HIBCH: variants seen among roughly 807,000 people sequenced by gnomAD.
HIBCH encodes the protein 3-hydroxyisobutyryl-CoA hydrolase.
In HIBCH, 50 loss-of-function variants were observed where a neutral mutation model predicts 58.2. That is an observed-to-expected ratio of 0.86 (90% CI 0.68 to 1.09). The LOEUF (loss-of-function observed/expected upper bound fraction) is 1.09. HIBCH is among the 50% of genes least tolerant of loss of function. The probability of loss-of-function intolerance (pLI) is 0.00; values close to 1 mark genes in which losing one functional copy is unlikely to be tolerated. For synonymous variants in HIBCH, 151 were observed against 146.9 expected (o/e 1.03, Z -0.20); for missense variants, 450 against 449.7 (o/e 1.00, Z -0.01).
intron 1 of HIBCH, among the ~76,000 whole-genome samples, chr2:190,314,280 T>A (rs74485901): frequency 0.049 from 2,499 of 51,004 alleles, 63 homozygotes; most frequent in Middle Eastern, 0.16. Flanking sequence ...ACAAAAAAAA[T>A]ATATATATAT....
Position 190,243,562 on chromosome 2 carries a change from A to ATTT in HIBCH, c.891+1324_891+1325insAAA, listed in dbSNP as rs1686513473. Among the ~76,000 whole-genome samples, 1 of 152,198 alleles carries ATTT rather than the reference A, an allele frequency of 6.6e-6. No homozygotes were observed. Among genetic ancestry groups the ATTT allele is most frequent in the African/African-American group, 2.4e-5 (1 of 41,454 alleles). Reference sequence around the variant, plus strand: ...ACAATCTACTTTTGTGAGTTAGGCAAATAAATGGCTGGTCTACCTGCTCTA... The same window carrying ATTT: ...ACAATCTACTTTTGTGAGTTAGGCAATTTATAAATGGCTGGTCTACCTGCTCTA... On this transcript the variant is annotated intron_variant, in intron 11 of 13. Coordinates refer to ENST00000359678, the MANE Select transcript of HIBCH (RefSeq NM_014362.4). This position sits in a 1 kb window ranked among gnomAD's most constrained non-coding sequence, Gnocchi z 4.1.
Position 190,197,096 on chromosome 2 carries a change from C to A in HIBCH, c.*18-7099G>T, listed in dbSNP as rs1033263025. On this transcript the variant is annotated intron_variant, in intron 1 of 1. Coordinates refer to the HIBCH transcript ENST00000399855. The surrounding 1 kb of genome is among the most constrained non-coding windows in gnomAD (Gnocchi z 4.0). Reference sequence around the variant, plus strand: ...CTCTCTGGGGTCTCTTTTATGAGAGCACTAAAACTCTAATATCATCACCCA... The same window carrying A: ...CTCTCTGGGGTCTCTTTTATGAGAGAACTAAAACTCTAATATCATCACCCA... 6.6e-6 allele frequency among the ~76,000 whole-genome samples: 1 copy of A among 152,050 alleles called. No individual in the cohort carries two copies. Among genetic ancestry groups the A allele is most frequent in the African/African-American group, 2.4e-5 (1 of 41,372 alleles).
intron 9 of HIBCH, among the ~76,000 whole-genome samples, chr2:190,247,037 T>G (rs915549094): frequency 6.6e-6 from 1 of 152,120 alleles, no homozygotes; most frequent in African/African-American, 2.4e-5. Flanking sequence ...CATTGTAGGC[T>G]GTGTTTCTCC....
At chr2:190,228,015 T>A (rs1685965007) in intron 11 of HIBCH, among the ~76,000 whole-genome samples, 2 of 152,266 alleles carry the variant, frequency 1.3e-5, no homozygotes, top group South Asian at 2.1e-4. Context: ...GATCTAGAAC[T>A]AGAAATACCA....
At chr2:190,226,264 T>C (rs902122222) in intron 11 of HIBCH, among the ~76,000 whole-genome samples, 1 of 147,916 alleles carries the variant, frequency 6.8e-6, no homozygotes, top group Non-Finnish European at 1.5e-5. Context: ...GCCAGAGCAA[T>C]CAGGCAGGAG....
intron 7 of HIBCH, among the ~76,000 whole-genome samples, chr2:190,258,704 T>C (rs1438515295): frequency 1.3e-5 from 2 of 152,240 alleles, no homozygotes; most frequent in African/African-American, 2.4e-5. Flanking sequence ...CAGATTAATG[T>C]CACGTCATTT....
Position 190,197,905 on chromosome 2 carries a change from T to C in HIBCH, c.*17+7195A>G, listed in dbSNP as rs977189063. Among the ~76,000 whole-genome samples the C allele has an allele frequency of 5.9e-5, 9 of 152,224 alleles. No individual in the cohort carries two copies. The highest frequency in any genetic ancestry group is 1.9e-4 in the East Asian group (1 of 5,202). ...CAGCCTTTTATTTATCTGACACTCATTGAGTTCTCCAAGTAATTTTTTTCA... is the reference window on the plus strand; with the variant it reads ...CAGCCTTTTATTTATCTGACACTCACTGAGTTCTCCAAGTAATTTTTTTCA... On this transcript the variant is annotated intron_variant, in intron 1 of 1. Coordinates refer to the HIBCH transcript ENST00000399855. This position sits in a 1 kb window ranked among gnomAD's most constrained non-coding sequence, Gnocchi z 4.0.
At chr2:190,256,733 T>C (rs1472719499) in intron 7 of HIBCH, among the ~76,000 whole-genome samples, 1 of 151,986 alleles carries the variant, frequency 6.6e-6, no homozygotes, top group Non-Finnish European at 1.5e-5. Context: ...ATCACAAACA[T>C]AACCTATATA....
chr2:190,221,474 T>C (rs1387022490), intron 11 of HIBCH, among the ~76,000 whole-genome samples: 1 of 152,194 alleles, frequency 6.6e-6, no homozygotes, highest in Non-Finnish European at 1.5e-5. Context: ...TTAATCACAA[T>C]CTGGGAAAGG....
chr2:190,198,921 G>A (rs1264807169), downstream of HIBCH, among the ~76,000 whole-genome samples: 5 of 152,302 alleles, frequency 3.3e-5, no homozygotes, highest in Admixed American at 3.3e-4. Flanking sequence ...CATCAAACAA[G>A]GGTAGGAATG....
chr2:190,229,747 T>C (rs1686034984), intron 11 of HIBCH, among the ~76,000 whole-genome samples: 2 of 152,080 alleles, frequency 1.3e-5, no homozygotes, highest in South Asian at 4.1e-4. Context: ...CTGAAAGCAT[T>C]TTCAGCAGAA....
intron 7 of HIBCH, among the ~76,000 whole-genome samples, chr2:190,259,669 T>C (rs551862168): frequency 4.6e-5 from 7 of 152,338 alleles, no homozygotes; most frequent in Non-Finnish European, 7.3e-5. Flanking sequence ...TGTTAGTGTA[T>C]AGAAATGCTG....
chr2:190,239,790 T>C (rs1243515693), intron 11 of HIBCH, among the ~76,000 whole-genome samples: 1 of 151,798 alleles, frequency 6.6e-6, no homozygotes, highest in Non-Finnish European at 1.5e-5. Context: ...GCTGGGATTA[T>C]AGCCATGTGC....
Position 190,290,455 on chromosome 2 carries a change from TTC to T in HIBCH, c.333_334del (p.Lys112AspfsTer14), listed in dbSNP as rs779463406. 2 of 1,612,200 alleles carry T rather than the reference TTC, an allele frequency of 1.2e-6. No individual in the cohort carries two copies. The highest frequency in any genetic ancestry group is 1.7e-6 in the Non-Finnish European group (2 of 1,178,874). ...TTCTCTGAAGAAAACTGGAGCTATC[TTC>T]TGTTTTGCCTTTTCAGCTTCCGAGA... On this transcript the variant is annotated frameshift_variant, in exon 5 of 14. Coordinates refer to ENST00000359678, the MANE Select transcript of HIBCH (RefSeq NM_014362.4). LOFTEE classifies it high-confidence loss of function.
intron 3 of HIBCH, among the ~76,000 whole-genome samples, chr2:190,296,183 G>A (rs1167735611): frequency 1.3e-5 from 2 of 152,154 alleles, no homozygotes; most frequent in Non-Finnish European, 2.9e-5. Context: ...CACTTTGGGA[G>A]GCCGAGGCAG....
At chr2:190,295,844 T>C (rs990383402) in intron 3 of HIBCH, among the ~76,000 whole-genome samples, 2 of 152,164 alleles carry the variant, frequency 1.3e-5, no homozygotes, top group African/African-American at 4.8e-5. Flanking sequence ...AATTAAGGAA[T>C]TGGTAGCCAG....
chr2:190,308,954 C>T (rs895266317), intron 2 of HIBCH, among the ~76,000 whole-genome samples: 4 of 152,120 alleles, frequency 2.6e-5, no homozygotes, highest in African/African-American at 9.7e-5. Context: ...GACATTTGGG[C>T]ATGTTACTTA....
At chr2:190,208,375 A>G (rs1690441647) in intron 13 of HIBCH, among the ~76,000 whole-genome samples, 1 of 152,230 alleles carries the variant, frequency 6.6e-6, no homozygotes, top group African/African-American at 2.4e-5. Flanking sequence ...GCAGGATGGC[A>G]GCAGGATGAG....
rs1018138313 is a variant in HIBCH, at chr2:190,231,952, T to C, written c.891+12935A>G. Reference sequence around the variant, plus strand: ...GGCTTACACATGTAATCCTAACACTTTGGGAGGCCAAGGTGTGTGGATCAC... The same window carrying C: ...GGCTTACACATGTAATCCTAACACTCTGGGAGGCCAAGGTGTGTGGATCAC... On this transcript the variant is annotated intron_variant, in intron 11 of 13. Transcript: ENST00000359678. Among the ~76,000 whole-genome samples the C allele has an allele frequency of 1.4e-4, 21 of 152,286 alleles. No homozygotes were observed. In the East Asian group the frequency reaches 4.1e-3, roughly 29 times the overall value.
Sources: allele counts gnomAD v4.1 joint callset (sites outside exome capture counted in the v4.1 genomes callset), GRCh38; gene constraint gnomAD v4.1.1; non-coding constraint Gnocchi (gnomAD v3.1); transcripts MANE v1.5; gene names NCBI Gene and HGNC (gene_info 2026-07-23, HGNC 2026-07-21).